The following CAMKK2 variants were observed in gnomAD, a reference collection of about 807,000 sequenced individuals.
The protein encoded by CAMKK2 is calcium/calmodulin dependent protein kinase kinase 2, also known as calcium/calmodulin-dependent protein kinase kinase 2.
A neutral mutation model predicts 67.2 loss-of-function variants in CAMKK2; 30 were observed. That is an observed-to-expected ratio of 0.45 (90% CI 0.33 to 0.61). CAMKK2 has a LOEUF of 0.61. CAMKK2 is among the 20% of genes least tolerant of loss of function. The probability of loss-of-function intolerance (pLI) is 0.02; values close to 1 mark genes in which losing one functional copy is unlikely to be tolerated. For synonymous variants in CAMKK2, 322 were observed against 326.2 expected, an observed-to-expected ratio of 0.99 and a Z score of 0.14; for missense variants, 643 against 802.0, an observed-to-expected ratio of 0.80 and a Z score of 2.39.
intron 16 of CAMKK2, among the ~76,000 whole-genome samples, chr12:121,242,303 C>T (rs1440943259): frequency 1.3e-5 from 2 of 151,600 alleles, no homozygotes; most frequent in African/African-American, 4.8e-5. Flanking sequence ...CCACTACACT[C>T]CAACACTCCA....
At chr12:121,282,660 C>T (rs1898005800) in intron 1 of CAMKK2, among the ~76,000 whole-genome samples, 3 of 152,140 alleles carry the variant, frequency 2.0e-5, no homozygotes, top group Admixed American at 2.0e-4. Context: ...AACAGACTCC[C>T]CTCGGAGCCT....
At chr12:121,243,797 T>G in intron 16 of CAMKK2, 1 of 1,038,452 alleles carries the variant, frequency 9.6e-7, no homozygotes, top group South Asian at 2.3e-5. Flanking sequence ...CGTGGGTGAA[T>G]TACATGGTAT....
At position 121,244,563 on chromosome 12, in the gene CAMKK2, C is replaced by A. The variant is rs762192593; in HGVS notation, c.1596+10G>T. On this transcript the variant is annotated intron_variant, in intron 16 of 16. Transcript: ENST00000404169. The stretch of plus-strand genomic sequence containing the variant: ...CAGCAGAGGCTACGGCACAGGCAGG[C>A]GGGCGTTACCTTGAGCTCAGACAGG... 2.6e-6 allele frequency: 4 copies of A among 1,557,620 alleles called. No homozygotes were observed. Among genetic ancestry groups the A allele is most frequent in the Middle Eastern group, 1.7e-4 (1 of 6,010 alleles).
chr12:121,264,033 A>G (rs1566082556), intron 5 of CAMKK2, 94 bp from the exon 6 acceptor site: 3 of 1,279,320 alleles, frequency 2.3e-6, no homozygotes, highest in Non-Finnish European at 3.2e-6. Context: ...TGGGATGCCA[A>G]AAAGCCACTC....
chr12:121,270,761 C>T, intron 3 of CAMKK2, 137 bp downstream of exon 3: 1 of 643,800 alleles, frequency 1.6e-6, no homozygotes, highest in Non-Finnish European at 2.8e-6. Flanking sequence ...AAACCTAGAT[C>T]ATTAATGACA....
rs1349325425 is a variant in CAMKK2 at position 121,296,680 on chromosome 12, A to AGCTCGGCTCG, written c.-112_-103dup. 4 of 147,900 alleles carry AGCTCGGCTCG rather than the reference A, an allele frequency of 2.7e-5. No homozygotes were observed. Among genetic ancestry groups the AGCTCGGCTCG allele is most frequent in the East Asian group, 2.1e-4 (1 of 4,814 alleles). The allele number at this position is 147,900 out of a possible 1,614,324, so 9.2% of individuals were successfully genotyped here. On this transcript the variant is annotated 5_prime_UTR_variant, in exon 1 of 17. Transcript: ENST00000404169. This position sits in a 1 kb window ranked among gnomAD's most constrained non-coding sequence, Gnocchi z 7.1. ...GCCGCCTCCCGCGCTCTGCGCCCCC[A>AGCTCGGCTCG]GCTCGGCTCGGCTCGGCTCAGCTTG...
chr12:121,286,168 C>G (rs1620259), intron 1 of CAMKK2, among the ~76,000 whole-genome samples: 2,566 of 152,264 alleles, frequency 0.017, 69 homozygotes, highest in African/African-American at 0.058. Context: ...CCCTGACTTA[C>G]AAATGACAGA....
chr12:121,263,789 C>T lies in CAMKK2; in HGVS notation c.759+17G>A, dbSNP rs200558849. 9 of 1,588,382 alleles carry T rather than the reference C, an allele frequency of 5.7e-6. No homozygotes were observed. The highest frequency in any genetic ancestry group is 3.4e-5 in the South Asian group (3 of 89,058). On this transcript the variant is annotated intron_variant, in intron 6 of 16. Coordinates refer to ENST00000404169, the MANE Select transcript of CAMKK2 (RefSeq NM_001270485.2). ...AGCCAGGGCCTCCCTCCCTCCTGGG[C>T]GCCTCCACCCTTTTACCTCCACCAG...
intron 14 of CAMKK2, among the ~76,000 whole-genome samples, chr12:121,246,708 G>C (rs1390399964): frequency 6.6e-6 from 1 of 152,058 alleles, no homozygotes; most frequent in African/African-American, 2.4e-5. Flanking sequence ...CAGAGCAGGA[G>C]CTCCTCCTCT....
intron 15 of CAMKK2, 36 bp from the exon 16 acceptor site, chr12:121,244,651 A>T (rs370076181): frequency 2.0e-6 from 3 of 1,530,090 alleles, no homozygotes; most frequent in Non-Finnish European, 2.7e-6. Context: ...GGGAAGTGAG[A>T]AGGGACCCTT....
At chr12:121,292,990 A>G (rs921352435) in intron 1 of CAMKK2, among the ~76,000 whole-genome samples, 3 of 150,684 alleles carry the variant, frequency 2.0e-5, no homozygotes, top group Non-Finnish European at 4.4e-5. Context: ...AAAAAGAAAA[A>G]AAAAGCTGGG....
chr12:121,258,527 G>A (rs2136284030), intron 7 of CAMKK2, among the ~76,000 whole-genome samples: 1 of 152,264 alleles, frequency 6.6e-6, no homozygotes, highest in Admixed American at 6.5e-5. Flanking sequence ...TGTCAGGCCT[G>A]TAGCTGCAGA....
rs910793280 is a variant in CAMKK2, at chr12:121,245,520, C to G, written c.1453-280G>C. ...CCACCTCCCTCCCTCCCATCCCTTC[C>G]AAAACCCAGATCTGGTCCCCTCACT... is the stretch of plus-strand genomic sequence containing the variant. On this transcript the variant is annotated intron_variant, in intron 14 of 16. Transcript: ENST00000404169. The surrounding 1 kb of genome is among the most constrained non-coding windows in gnomAD (Gnocchi z 5.8). Among the ~76,000 whole-genome samples, 4 of 152,226 alleles carry G rather than the reference C, an allele frequency of 2.6e-5. No homozygotes were observed. The highest frequency in any genetic ancestry group is 9.6e-5 in the African/African-American group (4 of 41,452).
In CAMKK2 at chr12:121,263,814, G is replaced by C; in HGVS notation, c.751C>G (p.Leu251Val). 6.2e-7 allele frequency: 1 copy of C among 1,608,170 alleles called. No homozygotes were observed. Among genetic ancestry groups the C allele is most frequent in the Non-Finnish European group, 8.5e-7 (1 of 1,175,710 alleles). Residue 251 changes from leucine (L) to valine (V), a missense_variant, in exon 6 of 17, where the codon CTG becomes GTG. Transcript: ENST00000404169. ...KKLDHPNVVKLVEVLDDPNED... is the reference protein window; with the variant it reads ...KKLDHPNVVKVVEVLDDPNED... ...CGCCTCCACCCTTTTACCTCCACCAGCTTCACCACATTGGGGTGGTCCAGC... is the reference window on the plus strand; with the variant it reads ...CGCCTCCACCCTTTTACCTCCACCACCTTCACCACATTGGGGTGGTCCAGC...
chr12:121,243,424 G>A (rs1888772649), intron 16 of CAMKK2, among the ~76,000 whole-genome samples: 1 of 151,962 alleles, frequency 6.6e-6, no homozygotes, highest in African/African-American at 2.4e-5. Context: ...CCAAAAGGTG[G>A]AGACAAGTCC....
chr12:121,277,142 G>A lies in CAMKK2; in HGVS notation c.-59-2557C>T, dbSNP rs117053076. Among the ~76,000 whole-genome samples, 990 of 152,248 alleles carry A rather than the reference G, an allele frequency of 6.5e-3. 5 individuals carry two copies. The highest frequency in any genetic ancestry group is 9.4e-3 in the Non-Finnish European group (638 of 68,020). ...ATGAAATAGCTACTACGCCAGGCAC[G>A]TGGCAGGGAAAGCCCAACAGGAAAG... is the stretch of plus-strand genomic sequence containing the variant. On this transcript the variant is annotated intron_variant, in intron 1 of 16. Coordinates refer to ENST00000404169, the MANE Select transcript of CAMKK2 (RefSeq NM_001270485.2).
chr12:121,237,888 T>C lies in CAMKK2; in HGVS notation c.*2811A>G, dbSNP rs1887804576. On this transcript the variant is annotated 3_prime_UTR_variant, in exon 17 of 17. Transcript: ENST00000404169. This position sits in a 1 kb window ranked among gnomAD's most constrained non-coding sequence, Gnocchi z 4.5. ...GGAATGAAACAGAAGCATCGGGCAT[T>C]GAATCGATCACAGAGTAGAAAAATC... The C allele has an allele frequency of 6.6e-6, 1 of 152,618 alleles. No individual in the cohort carries two copies. Among genetic ancestry groups the C allele is most frequent in the Non-Finnish European group, 1.5e-5 (1 of 68,042 alleles). The allele number at this position is 152,618 out of a possible 1,614,324, so 9.5% of individuals were successfully genotyped here.
chr12:121,292,676 A>C (rs1039715880), intron 1 of CAMKK2, among the ~76,000 whole-genome samples: 2 of 152,212 alleles, frequency 1.3e-5, no homozygotes, highest in Non-Finnish European at 2.9e-5. Flanking sequence ...ACATGGAAGA[A>C]AAATAGCAGT....
chr12:121,257,413 A>AT (rs1317359702), intron 7 of CAMKK2, among the ~76,000 whole-genome samples: 17 of 151,902 alleles, frequency 1.1e-4, no homozygotes, highest in African/African-American at 4.1e-4. Context: ...CACCCGGCTA[A>AT]TTTTTTGTAT....
Sources: gnomAD v4.1 joint callset for allele counts (sites outside exome capture counted in the v4.1 genomes callset) on GRCh38, gnomAD v4.1.1 for gene constraint, Gnocchi (gnomAD v3.1) non-coding constraint, MANE v1.5 for transcripts, NCBI Gene and HGNC (gene_info 2026-07-23, HGNC 2026-07-21) for gene names.